The following LOC128462377 variants were observed in gnomAD, a reference collection of about 807,000 sequenced individuals.
At chr16:89,359,455 C>A in the LOC128462377 span, among the ~76,000 whole-genome samples, 5 of 152,228 alleles carry the variant, frequency 3.3e-5, no homozygotes, top group African/African-American at 4.8e-5. Context: ...GCGCACACGT[C>A]TGCTGCAGCC....
the LOC128462377 span, among the ~76,000 whole-genome samples, chr16:89,329,479 GT>G: frequency 6.6e-6 from 1 of 152,186 alleles, no homozygotes; most frequent in African/African-American, 2.4e-5. Flanking sequence ...AGGTGATGGT[GT>G]TTCCCCAACG....
At chr16:89,389,422 A>G in the LOC128462377 span, among the ~76,000 whole-genome samples, 1 of 152,152 alleles carries the variant, frequency 6.6e-6, no homozygotes, top group African/African-American at 2.4e-5. Context: ...ACATAGGAGA[A>G]AAAAAAGTCA....
At chr16:89,340,028 C>T in the LOC128462377 span, 1 of 152,200 alleles carries the variant, frequency 6.6e-6, no homozygotes, top group Non-Finnish European at 1.5e-5. Flanking sequence ...GTGCGCTCCT[C>T]GTTGTCTGAA....
At chr16:89,415,512 C>A in the LOC128462377 span, among the ~76,000 whole-genome samples, 2 of 151,498 alleles carry the variant, frequency 1.3e-5, no homozygotes, top group Non-Finnish European at 2.9e-5. Context: ...GATCCACCCG[C>A]CTCGGCCTCC....
chr16:89,331,815 A>G, the LOC128462377 span, among the ~76,000 whole-genome samples: 1 of 152,188 alleles, frequency 6.6e-6, no homozygotes, highest in African/African-American at 2.4e-5. Context: ...CATTTAGTCT[A>G]AGATACGGTG....
the LOC128462377 span, among the ~76,000 whole-genome samples, chr16:89,391,873 G>T: frequency 6.6e-6 from 1 of 152,216 alleles, no homozygotes; most frequent in African/African-American, 2.4e-5. Flanking sequence ...AGAAATCAAT[G>T]TACTTTATGT....
At chr16:89,319,466 C>T in the LOC128462377 span, among the ~76,000 whole-genome samples, 5 of 152,242 alleles carry the variant, frequency 3.3e-5, no homozygotes, top group African/African-American at 7.2e-5. Context: ...CCCAGGTGTA[C>T]GCTGTGTTTT....
At chr16:89,399,508 G>A in the LOC128462377 span, among the ~76,000 whole-genome samples, 1 of 152,208 alleles carries the variant, frequency 6.6e-6, no homozygotes, top group Non-Finnish European at 1.5e-5. Flanking sequence ...TGGGGAGAGG[G>A]AGGGACGGAG....
the LOC128462377 span, among the ~76,000 whole-genome samples, chr16:89,337,429 CT>C: frequency 7.4e-3 from 395 of 53,042 alleles, no homozygotes; most frequent in Middle Eastern, 0.036. Flanking sequence ...CTAAGCAATT[CT>C]TTTTTTTTTT....
At chr16:89,353,563 C>T in the LOC128462377 span, among the ~76,000 whole-genome samples, 2 of 151,956 alleles carry the variant, frequency 1.3e-5, no homozygotes, top group East Asian at 2.0e-4. Flanking sequence ...CTGCAACCTC[C>T]GCCTTCCGGG....
chr16:89,360,452 G>C, the LOC128462377 span: 1 of 152,066 alleles, frequency 6.6e-6, no homozygotes, highest in African/African-American at 2.4e-5. Flanking sequence ...ATTACACATA[G>C]CAAAATTCTG....
At chr16:89,322,904 T>C in the LOC128462377 span, among the ~76,000 whole-genome samples, 3 of 152,214 alleles carry the variant, frequency 2.0e-5, no homozygotes, top group African/African-American at 7.2e-5. Context: ...AGTGCAGCGG[T>C]GTGATCACAG....
the LOC128462377 span, among the ~76,000 whole-genome samples, chr16:89,370,311 T>C: frequency 3.3e-5 from 5 of 152,316 alleles, no homozygotes; most frequent in Admixed American, 3.3e-4. Flanking sequence ...TGAGAAGATG[T>C]TTCTGGAAGG....
chr16:89,333,620 G>A, the LOC128462377 span, among the ~76,000 whole-genome samples: 2 of 152,170 alleles, frequency 1.3e-5, no homozygotes, highest in Non-Finnish European at 2.9e-5. Context: ...CCTACAGTGT[G>A]TAGTCCTTGG....
chr16:89,343,136 G>A, the LOC128462377 span, among the ~76,000 whole-genome samples: 1 of 152,172 alleles, frequency 6.6e-6, no homozygotes, highest in Non-Finnish European at 1.5e-5. Context: ...TTACAGGTGT[G>A]TGCCACCACG....
chr16:89,344,832 G>A, the LOC128462377 span, among the ~76,000 whole-genome samples: 1 of 152,230 alleles, frequency 6.6e-6, no homozygotes, highest in African/African-American at 2.4e-5. Flanking sequence ...GACGAGGCGT[G>A]AGACTCTCAA....
At chr16:89,373,321 A>G in the LOC128462377 span, 1 of 152,266 alleles carries the variant, frequency 6.6e-6, no homozygotes, top group Non-Finnish European at 1.5e-5. Context: ...ACACAGCAAC[A>G]CCGGACCCCT....
chr16:89,367,487 G>C, the LOC128462377 span, among the ~76,000 whole-genome samples: 1 of 152,214 alleles, frequency 6.6e-6, no homozygotes, highest in Non-Finnish European at 1.5e-5. Flanking sequence ...ACAACCCGGA[G>C]TGTACAGCTG....
chr16:89,332,998 G>A, the LOC128462377 span, among the ~76,000 whole-genome samples: 1 of 152,202 alleles, frequency 6.6e-6, no homozygotes, highest in Admixed American at 6.5e-5. Flanking sequence ...CCCATCCTGT[G>A]CACCCGGGGA....
Sources: allele counts gnomAD v4.1 joint callset (sites outside exome capture counted in the v4.1 genomes callset), GRCh38; gene constraint gnomAD v4.1.1; transcripts MANE v1.5.